Variants in KLHL32 observed in about 807,000 individuals in gnomAD.
KLHL32 encodes kelch like family member 32.
KLHL32 carries 35 observed loss-of-function variants against 64.8 expected under a neutral mutation model. The observed-to-expected ratio is 0.54, with a 90% confidence interval of 0.41 to 0.72. The LOEUF is 0.72. KLHL32 is among the 30% of genes least tolerant of loss of function. The pLI is 0.00. For missense variants in KLHL32, 589 were observed against 768.5 expected (o/e 0.77, Z 2.76); for synonymous variants, 259 against 281.0 (o/e 0.92, Z 0.78).
chr6:96,900,222 T>G, the KLHL32 span, among the ~76,000 whole-genome samples: 1 of 152,186 alleles, frequency 6.6e-6, no homozygotes, highest in Non-Finnish European at 1.5e-5. Flanking sequence ...AGTAATCACC[T>G]AAGGGGTTTT....
At chr6:97,058,606 C>A (rs1002937929) in intron 4 of KLHL32, among the ~76,000 whole-genome samples, 2 of 152,190 alleles carry the variant, frequency 1.3e-5, no homozygotes, top group Non-Finnish European at 2.9e-5. Flanking sequence ...AGCCACCCAG[C>A]CAATGAGATG....
At chr6:96,971,644 G>C (rs1775117517) in intron 2 of KLHL32, among the ~76,000 whole-genome samples, 1 of 152,014 alleles carries the variant, frequency 6.6e-6, no homozygotes, top group Non-Finnish European at 1.5e-5. Context: ...TGTTGCATGA[G>C]GGCCTATGTG....
intron 3 of KLHL32, among the ~76,000 whole-genome samples, chr6:97,040,907 ACCTTCG>A (rs1393277862): frequency 6.6e-6 from 1 of 151,984 alleles, no homozygotes; most frequent in Non-Finnish European, 1.5e-5. Flanking sequence ...CTTCGCCTTC[ACCTTCG>A]CCTTCGCCTT....
chr6:97,123,866 T>C (rs1798619551), intron 7 of KLHL32, among the ~76,000 whole-genome samples: 1 of 152,210 alleles, frequency 6.6e-6, no homozygotes, highest in African/African-American at 2.4e-5. Flanking sequence ...CCAGGAATAC[T>C]GCTGCAGGCA....
At chr6:97,075,665 C>T (rs1367656625) in intron 5 of KLHL32, among the ~76,000 whole-genome samples, 3 of 152,172 alleles carry the variant, frequency 2.0e-5, no homozygotes, top group African/African-American at 7.2e-5. Context: ...TCCACACCAG[C>T]CCCCTTTATG....
At chr6:96,942,227 G>A (rs1771380237) in intron 1 of KLHL32, among the ~76,000 whole-genome samples, 1 of 152,156 alleles carries the variant, frequency 6.6e-6, no homozygotes, top group Non-Finnish European at 1.5e-5. Flanking sequence ...CCACTTGTCT[G>A]GGTCAGTCCA....
At chr6:96,933,377 CT>C (rs1282932128) in intron 1 of KLHL32, among the ~76,000 whole-genome samples, 3 of 152,128 alleles carry the variant, frequency 2.0e-5, no homozygotes, top group African/African-American at 7.2e-5. Flanking sequence ...CATGTGGAAA[CT>C]TAGAGTGCCT....
chr6:96,973,667 T>A (rs2128041392), intron 2 of KLHL32, among the ~76,000 whole-genome samples: 1 of 151,982 alleles, frequency 6.6e-6, no homozygotes, highest in South Asian at 2.1e-4. Flanking sequence ...TAATATAAAG[T>A]TAATAGGGAC....
At chr6:97,056,255 G>A (rs146614103) in intron 4 of KLHL32, among the ~76,000 whole-genome samples, 4,316 of 151,672 alleles carry the variant, frequency 0.028, 178 homozygotes, top group African/African-American at 0.096. Flanking sequence ...ACAGGCGCCC[G>A]CCACCACGCC....
chr6:97,007,477 A>C (rs1013699900), intron 3 of KLHL32, among the ~76,000 whole-genome samples: 1 of 151,980 alleles, frequency 6.6e-6, no homozygotes, highest in Admixed American at 6.5e-5. Context: ...TTTGAATTCT[A>C]TGTGTCATTT....
intron 2 of KLHL32, among the ~76,000 whole-genome samples, chr6:96,967,407 A>G (rs1325305619): frequency 1.3e-5 from 2 of 151,876 alleles, no homozygotes; most frequent in East Asian, 3.8e-4. Flanking sequence ...AAAAAACTAT[A>G]CATATATATG....
intron 3 of KLHL32, among the ~76,000 whole-genome samples, chr6:97,040,762 A>C (rs768246443): frequency 6.6e-6 from 1 of 152,162 alleles, no homozygotes; most frequent in African/African-American, 2.4e-5. Flanking sequence ...GGGTAATTGG[A>C]TCATGGGGGC....
chr6:97,043,926 T>C (rs578210745), intron 4 of KLHL32, among the ~76,000 whole-genome samples: 132 of 152,260 alleles, frequency 8.7e-4, no homozygotes, highest in African/African-American at 3.2e-3. Flanking sequence ...GTGATGGCTC[T>C]AGCTTTGTTC....
chr6:96,952,633 G>T (rs1380702344), intron 1 of KLHL32, among the ~76,000 whole-genome samples: 2 of 152,152 alleles, frequency 1.3e-5, no homozygotes, highest in Non-Finnish European at 2.9e-5. Context: ...CTAATGAAAG[G>T]CCACAAGATT....
chr6:96,974,377 T>G (rs1036848722), intron 2 of KLHL32, among the ~76,000 whole-genome samples: 1 of 152,250 alleles, frequency 6.6e-6, no homozygotes, highest in Non-Finnish European at 1.5e-5. Flanking sequence ...TGATGCTAAT[T>G]AATCTCCATT....
At chr6:96,910,767 C>A in the KLHL32 span, among the ~76,000 whole-genome samples, 8 of 152,092 alleles carry the variant, frequency 5.3e-5, no homozygotes, top group African/African-American at 1.9e-4. Context: ...TGATTTTAAT[C>A]TGGATTACCA....
At chr6:96,960,216 C>T (rs890533818) in intron 1 of KLHL32, among the ~76,000 whole-genome samples, 8 of 152,160 alleles carry the variant, frequency 5.3e-5, no homozygotes, top group Non-Finnish European at 7.3e-5. Flanking sequence ...CCTTTTAACA[C>T]GACACTGAGA....
chr6:96,928,441 C>T (rs925363556), intron 1 of KLHL32, among the ~76,000 whole-genome samples: 6 of 151,882 alleles, frequency 4.0e-5, no homozygotes, highest in Admixed American at 2.0e-4. Flanking sequence ...GATGCAACTG[C>T]GGATGGGTGG....
the KLHL32 span, among the ~76,000 whole-genome samples, chr6:96,906,585 T>C: frequency 6.6e-6 from 1 of 152,212 alleles, no homozygotes; most frequent in Admixed American, 6.5e-5. Flanking sequence ...GCTGTTATTC[T>C]CATCCATGTG....
Sources: allele counts gnomAD v4.1 joint callset (sites outside exome capture counted in the v4.1 genomes callset), GRCh38; gene constraint gnomAD v4.1.1; transcripts MANE v1.5; gene names NCBI Gene and HGNC (gene_info 2026-07-23, HGNC 2026-07-21).